Variants in IL34 observed in about 807,000 individuals in gnomAD.
The protein encoded by IL34 is interleukin-34.
IL34 carries 17 observed loss-of-function variants against 25.3 expected under a neutral mutation model. The ratio of observed to expected loss-of-function variants is 0.67; its 90% CI spans 0.46 to 1.01. The LOEUF is 1.01. IL34 is among the 50% of genes least tolerant of loss of function. The probability of loss-of-function intolerance (pLI) is 0.00; values close to 1 mark genes in which losing one functional copy is unlikely to be tolerated. For missense variants in IL34, 368 were observed against 312.9 expected, an observed-to-expected ratio of 1.18 and a Z score of -1.33; for synonymous variants, 174 against 140.9, an observed-to-expected ratio of 1.23 and a Z score of -1.66.
At chr16:70,658,015 C>A (rs918280728) in intron 4 of IL34, among the ~76,000 whole-genome samples, 4 of 152,084 alleles carry the variant, frequency 2.6e-5, no homozygotes, top group African/African-American at 4.8e-5. Context: ...AGGAAGGTGG[C>A]GAGATGACCC....
At chr16:70,605,162 A>G (rs1376762584) in intron 1 of IL34, among the ~76,000 whole-genome samples, 1 of 152,116 alleles carries the variant, frequency 6.6e-6, no homozygotes, top group African/African-American at 2.4e-5. Flanking sequence ...TCTGTGGAGC[A>G]AAGGATCCCG....
rs1350732964 is a variant in IL34, at chr16:70,660,166, G to C, written c.708G>C (p.Gln236His). The C allele has an allele frequency of 2.5e-6, 4 of 1,597,210 alleles. No homozygotes were observed. The highest frequency in any genetic ancestry group is 2.2e-5 in the East Asian group (1 of 44,762). Residue 236 changes from glutamine (Q) to histidine (H), a missense_variant, in exon 6 of 6, where the codon CAG (glutamine) becomes CAC (histidine). Transcript: ENST00000288098. ...STGSVRPVRA[Q>H]GEGLLP Reference sequence around the variant, plus strand: ...GCTCGGTGAGGCCGGTCAGGGCACAGGGCGAGGGCCTCTTGCCCTGAGCAC... The same window carrying C: ...GCTCGGTGAGGCCGGTCAGGGCACACGGCGAGGGCCTCTTGCCCTGAGCAC...
upstream of IL34, among the ~76,000 whole-genome samples, chr16:70,645,107 G>A (rs1454539512): frequency 7.6e-6 from 1 of 131,358 alleles, no homozygotes; most frequent in Non-Finnish European, 1.7e-5. Context: ...GAGGGGGAAA[G>A]AGGAGGAAGA....
chr16:70,651,855 G>A (rs112476874), intron 1 of IL34, among the ~76,000 whole-genome samples: 11 of 152,272 alleles, frequency 7.2e-5, no homozygotes, highest in African/African-American at 2.6e-4. Context: ...GGTGGGTGCG[G>A]TGGCTTATGC....
chr16:70,640,729 C>A (rs1024329838), intron 1 of IL34, among the ~76,000 whole-genome samples: 2 of 151,848 alleles, frequency 1.3e-5, no homozygotes, highest in African/African-American at 4.8e-5. Context: ...TGGTAAAGCT[C>A]ATCCTCTTTA....
intron 1 of IL34, among the ~76,000 whole-genome samples, chr16:70,618,330 G>C (rs1369105443): frequency 1.3e-5 from 2 of 152,064 alleles, no homozygotes; most frequent in African/African-American, 4.8e-5. Context: ...ATGGGGGTCA[G>C]GTGTGGTATC....
upstream of IL34, among the ~76,000 whole-genome samples, chr16:70,645,717 T>G (rs2051910120): frequency 6.6e-6 from 1 of 152,186 alleles, no homozygotes; most frequent in Non-Finnish European, 1.5e-5. Flanking sequence ...ACTGAGATTT[T>G]GCACTTCCAT....
chr16:70,659,570 G>C, intron 4 of IL34, 48 bp from the exon 5 acceptor site: 2 of 1,561,600 alleles, frequency 1.3e-6, no homozygotes, highest in Non-Finnish European at 1.7e-6. Flanking sequence ...GCTCTCCTGG[G>C]GTGCGGCCCC....
rs1486753124 is a variant in IL34, at chr16:70,646,993, C to T, written c.28+18C>T. The stretch of plus-strand genomic sequence containing the variant: ...GCTGCGCTGTGAGTACTGGGGGGTC[C>T]CTAGGGACCTGCATTGGGAGGCCTT... On this transcript the variant is annotated intron_variant, in intron 1 of 5. Transcript: ENST00000288098. 2.8e-6 allele frequency: 4 copies of T among 1,448,672 alleles called. No individual in the cohort carries two copies. The highest frequency in any genetic ancestry group is 7.3e-5 in the Admixed American group (2 of 27,284). 89.7% of individuals were successfully genotyped at this position (1,448,672 alleles called of 1,614,324 possible).
intron 1 of IL34, among the ~76,000 whole-genome samples, chr16:70,618,600 A>C (rs1206028330): frequency 6.6e-6 from 1 of 152,206 alleles, no homozygotes; most frequent in African/African-American, 2.4e-5. Flanking sequence ...TAAAACAGTA[A>C]GGTCAAGTTG....
intron 1 of IL34, among the ~76,000 whole-genome samples, chr16:70,652,020 C>T (rs1315874901): frequency 2.6e-5 from 4 of 151,782 alleles, no homozygotes; most frequent in South Asian, 4.2e-4. Flanking sequence ...CCCAGCTACT[C>T]GGGAGGCTGA....
At chr16:70,650,042 G>A (rs1044611456) in intron 1 of IL34, among the ~76,000 whole-genome samples, 4 of 152,196 alleles carry the variant, frequency 2.6e-5, no homozygotes, top group East Asian at 1.9e-4. Flanking sequence ...CAGGTGATCC[G>A]CCCACCTCGG....
At chr16:70,651,182 G>A (rs1036975123) in intron 1 of IL34, among the ~76,000 whole-genome samples, 12 of 152,034 alleles carry the variant, frequency 7.9e-5, no homozygotes, top group African/African-American at 2.2e-4. Flanking sequence ...GCGTGGTGAT[G>A]GGGGGGAGAG....
chr16:70,620,409 C>A (rs892629244), intron 1 of IL34, among the ~76,000 whole-genome samples: 3 of 151,666 alleles, frequency 2.0e-5, no homozygotes, highest in South Asian at 2.1e-4. Context: ...AGTCACGCAA[C>A]GAAACTGTAA....
At chr16:70,583,240 G>A (rs2050654870) in intron 1 of IL34, among the ~76,000 whole-genome samples, 1 of 151,918 alleles carries the variant, frequency 6.6e-6, no homozygotes, top group African/African-American at 2.4e-5. Context: ...AGCCTCCTGA[G>A]TAGCTGGGAT....
intron 1 of IL34, among the ~76,000 whole-genome samples, chr16:70,583,210 T>C (rs1358595090): frequency 6.6e-6 from 1 of 152,078 alleles, no homozygotes; most frequent in African/African-American, 2.4e-5. Context: ...CCTCCTGGGT[T>C]CAAGTGATTC....
At chr16:70,641,508 T>TCTCC (rs1019974593) in intron 1 of IL34, among the ~76,000 whole-genome samples, 4 of 131,886 alleles carry the variant, frequency 3.0e-5, no homozygotes, top group African/African-American at 1.4e-4. Flanking sequence ...TCCCTCCCTC[T>TCTCC]CTCCCTCCCT....
intron 1 of IL34, among the ~76,000 whole-genome samples, chr16:70,612,448 A>G (rs2051105167): frequency 6.6e-6 from 1 of 152,194 alleles, no homozygotes; most frequent in Non-Finnish European, 1.5e-5. Flanking sequence ...GTGCTCCCAG[A>G]TGAAGCTCTG....
intron 1 of IL34, among the ~76,000 whole-genome samples, chr16:70,631,938 T>C (rs764560314): frequency 6.6e-6 from 1 of 150,736 alleles, no homozygotes; most frequent in African/African-American, 2.4e-5. Context: ...AAAAAAAAAT[T>C]ATAATACAAA....
Sources: gnomAD v4.1 joint callset for allele counts (sites outside exome capture counted in the v4.1 genomes callset) on GRCh38, gnomAD v4.1.1 for gene constraint, MANE v1.5 for transcripts, NCBI Gene and HGNC (gene_info 2026-07-23, HGNC 2026-07-21) for gene names.